NRXN1: variants seen among roughly 807,000 people sequenced by gnomAD.
NRXN1 encodes neurexin 1.
NRXN1 carries 39 observed loss-of-function variants against 150.9 expected under a neutral mutation model. The observed-to-expected ratio is 0.26, with a 90% confidence interval of 0.20 to 0.34. The LOEUF (loss-of-function observed/expected upper bound fraction) is 0.34, where lower values mean the gene tolerates loss of function less well. Among genes scored for constraint, NRXN1 ranks in the 10% least tolerant of loss-of-function variants. The probability of loss-of-function intolerance (pLI) is 1.00; values close to 1 mark genes in which losing one functional copy is unlikely to be tolerated. For synonymous variants in NRXN1, 924 were observed against 757.0 expected (o/e 1.22, Z -3.62); for missense variants, 1,815 against 1,949.9 (o/e 0.93, Z 1.30).
At chr2:50,680,822 A>T (rs41440248) in intron 5 of NRXN1, among the ~76,000 whole-genome samples, 13,702 of 152,064 alleles carry the variant, frequency 0.09, 682 homozygotes, top group Middle Eastern at 0.12. Context: ...ATTCAAGGTT[A>T]TGCTATTCAA....
chr2:50,471,505 CT>C (rs1312379632), intron 16 of NRXN1, among the ~76,000 whole-genome samples: 7 of 151,802 alleles, frequency 4.6e-5, no homozygotes, highest in African/African-American at 1.7e-4. Flanking sequence ...CACTCATTGG[CT>C]TTTGGGCACT....
chr2:50,279,324 T>G (rs2071094264), intron 17 of NRXN1, among the ~76,000 whole-genome samples: 1 of 152,178 alleles, frequency 6.6e-6, no homozygotes, highest in Non-Finnish European at 1.5e-5. Context: ...AATAACAGCT[T>G]AAAAGTTACA....
chr2:50,671,082 T>A (rs1385687132), intron 5 of NRXN1, among the ~76,000 whole-genome samples: 3 of 151,886 alleles, frequency 2.0e-5, no homozygotes, highest in Non-Finnish European at 4.4e-5. Context: ...TTTAATGGTA[T>A]CTTTTTTGTA....
chr2:50,999,156 G>A (rs1205100453), intron 2 of NRXN1, among the ~76,000 whole-genome samples: 1 of 151,916 alleles, frequency 6.6e-6, no homozygotes, highest in East Asian at 1.9e-4. Context: ...TGTTAACATG[G>A]TACCTAAGAG....
At chr2:50,415,112 C>T (rs1036092367) in intron 17 of NRXN1, among the ~76,000 whole-genome samples, 1 of 151,964 alleles carries the variant, frequency 6.6e-6, no homozygotes, top group Admixed American at 6.6e-5. Context: ...ATAGGAAGGA[C>T]TTCATAGAAG....
intron 5 of NRXN1, among the ~76,000 whole-genome samples, chr2:50,751,956 C>G (rs1700643350): frequency 6.6e-6 from 1 of 151,820 alleles, no homozygotes; most frequent in Non-Finnish European, 1.5e-5. Context: ...CAGTAAGAAT[C>G]AGGAAAGAGT....
chr2:50,659,030 G>T (rs1686907475), intron 5 of NRXN1, among the ~76,000 whole-genome samples: 1 of 152,018 alleles, frequency 6.6e-6, no homozygotes, highest in African/African-American at 2.4e-5. Flanking sequence ...AGCACTGCTT[G>T]CCTTTCTTCA....
At position 50,637,008 on chromosome 2, in the gene NRXN1, T is replaced by C. The variant is rs1337282996; in HGVS notation, c.833-13393A>G. On this transcript the variant is annotated intron_variant, in intron 5 of 22. Coordinates refer to ENST00000401669, the MANE Select transcript of NRXN1 (RefSeq NM_001330078.2). ...CAATCAATACTGACTAGTGTTTCCCTATGGGCTCCATGGATAGAGCCCATA... is the reference window on the plus strand; with the variant it reads ...CAATCAATACTGACTAGTGTTTCCCCATGGGCTCCATGGATAGAGCCCATA... 2.6e-5 allele frequency among the ~76,000 whole-genome samples: 4 copies of C among 152,208 alleles called. No individual in the cohort carries two copies. The East Asian group carries it at 7.7e-4, about 29-fold the overall frequency.
intron 18 of NRXN1, among the ~76,000 whole-genome samples, chr2:50,130,548 G>A (rs928175272): frequency 4.6e-5 from 7 of 152,048 alleles, no homozygotes; most frequent in African/African-American, 1.4e-4. Flanking sequence ...ATTTCAAACC[G>A]TGCTCCAAGG....
chr2:51,003,062 T>G (rs1700270027), intron 2 of NRXN1, among the ~76,000 whole-genome samples: 1 of 151,888 alleles, frequency 6.6e-6, no homozygotes, highest in South Asian at 2.1e-4. Context: ...GGAGGAGAAA[T>G]AGGAGGAAAC....
chr2:50,963,412 GACA>G (rs1327993949), intron 2 of NRXN1, among the ~76,000 whole-genome samples: 1 of 151,392 alleles, frequency 6.6e-6, no homozygotes, highest in Admixed American at 6.6e-5. Flanking sequence ...TGGTCAAATG[GACA>G]ACGAGGAAAA....
intron 2 of NRXN1, among the ~76,000 whole-genome samples, chr2:50,978,271 CAT>C (rs10671122): frequency 0.016 from 1,489 of 94,934 alleles, 30 homozygotes; most frequent in African/African-American, 0.032. Context: ...GGATATTATA[CAT>C]ATATATATAT....
rs180903297 is a variant in NRXN1, at chr2:50,862,068, G to C, written c.832+59801C>G. ...AATAAAAAAATCAGCCAGGAATGGT[G>C]GTGGGCGCCTGTATTCCCAGCTACA... is the stretch of plus-strand genomic sequence containing the variant. On this transcript the variant is annotated intron_variant, in intron 5 of 22. Transcript: ENST00000401669. Among the ~76,000 whole-genome samples, 330 of 152,014 alleles carry C rather than the reference G, an allele frequency of 2.2e-3. 3 individuals carry two copies. Among genetic ancestry groups the C allele is most frequent in the African/African-American group, 7.6e-3 (316 of 41,504 alleles).
chr2:50,972,051 G>A (rs1311403278), intron 2 of NRXN1, among the ~76,000 whole-genome samples: 1 of 150,730 alleles, frequency 6.6e-6, no homozygotes, highest in African/African-American at 2.4e-5. Flanking sequence ...ATTATTAATT[G>A]CAACCAGCTA....
chr2:50,183,238 C>A (rs1416792623), intron 18 of NRXN1, among the ~76,000 whole-genome samples: 1 of 152,000 alleles, frequency 6.6e-6, no homozygotes, highest in Non-Finnish European at 1.5e-5. Flanking sequence ...GCATCTGCTC[C>A]TTAAATAACA....
intron 21 of NRXN1, among the ~76,000 whole-genome samples, chr2:50,008,467 C>CCTTTT (rs1329595381): frequency 9.7e-6 from 1 of 102,586 alleles, no homozygotes. Context: ...AGAAGGATGC[C>CCTTTT]ATTTTTTTTT....
At chr2:50,389,439 T>C (rs2103790251) in intron 17 of NRXN1, among the ~76,000 whole-genome samples, 1 of 151,898 alleles carries the variant, frequency 6.6e-6, no homozygotes, top group South Asian at 2.1e-4. Context: ...AACTTAGATT[T>C]ATTGGTTAAT....
At chr2:50,548,587 A>G (rs2093545955) in intron 9 of NRXN1, among the ~76,000 whole-genome samples, 1 of 152,052 alleles carries the variant, frequency 6.6e-6, no homozygotes, top group African/African-American at 2.4e-5. Flanking sequence ...TACTACTTAC[A>G]TGTTTTTAAT....
chr2:50,447,731 G>A, intron 17 of NRXN1, among the ~76,000 whole-genome samples: 1 of 72,056 alleles, frequency 1.4e-5, no homozygotes, highest in Non-Finnish European at 2.3e-5. Flanking sequence ...AGTAAGCAGG[G>A]GAACGTTATA....
Sources: gnomAD v4.1 joint callset for allele counts (sites outside exome capture counted in the v4.1 genomes callset) on GRCh38, gnomAD v4.1.1 for gene constraint, MANE v1.5 for transcripts, NCBI Gene and HGNC (gene_info 2026-07-23, HGNC 2026-07-21) for gene names.